Variants in STK11IP observed in about 807,000 individuals in gnomAD.
The protein encoded by STK11IP is serine/threonine kinase 11 interacting protein, also known as serine/threonine-protein kinase 11-interacting protein.
STK11IP carries 103 observed loss-of-function variants against 131.7 expected under a neutral mutation model. That is an observed-to-expected ratio of 0.78 (90% CI 0.67 to 0.92). STK11IP has a LOEUF of 0.92. Among genes scored for constraint, STK11IP ranks in the 40% least tolerant of loss-of-function variants. The probability of loss-of-function intolerance (pLI) is 0.00; values close to 1 mark genes in which losing one functional copy is unlikely to be tolerated. For synonymous variants in STK11IP, 557 were observed against 575.6 expected (o/e 0.97, Z 0.46); for missense variants, 1,315 against 1,385.7 (o/e 0.95, Z 0.81).
Position 219,609,191 on chromosome 2 carries a change from C to T in STK11IP, c.1904C>T (p.Pro635Leu), listed in dbSNP as rs543076522. The T allele has an allele frequency of 6.2e-7, 1 of 1,607,190 alleles. No homozygotes were observed. The highest frequency in any genetic ancestry group is 1.1e-5 in the South Asian group (1 of 89,550). ...RQLRRYLVLE[P>L]DAHAAVQELL... ...TTGCGTCGCTATTTGGTGCTGGAGC[C>T]TGATGCCCACGCAGCTGTCCAGGTG... Residue 635 changes from proline to leucine, a missense_variant, in exon 16 of 25, where the codon CCT becomes CTT. Physicochemically the swap from Pro to Leu is moderately conservative, Grantham distance 98 (BLOSUM62 -3). Coordinates refer to ENST00000456909, the MANE Select transcript of STK11IP (RefSeq NM_052902.4).
intron 17 of STK11IP, among the ~76,000 whole-genome samples, chr2:219,610,635 C>G (rs879761467): frequency 2.0e-5 from 3 of 152,150 alleles, no homozygotes; most frequent in Admixed American, 6.5e-5. Flanking sequence ...CTCCTGACCT[C>G]GGATCTGCCC....
chr2:219,603,527 C>A (rs1186277885), intron 7 of STK11IP, among the ~76,000 whole-genome samples: 2 of 140,474 alleles, frequency 1.4e-5, no homozygotes, highest in Non-Finnish European at 3.1e-5. Flanking sequence ...TTTTTTTTTT[C>A]TTTTTTTTTT....
chr2:219,604,133 C>A (rs1165413215), intron 7 of STK11IP, among the ~76,000 whole-genome samples: 1 of 152,176 alleles, frequency 6.6e-6, no homozygotes, highest in Non-Finnish European at 1.5e-5. Context: ...ATTCTTTTGG[C>A]AGCCTTGACT....
intron 2 of STK11IP, 74 bp from the exon 3 acceptor site, chr2:219,601,161 C>A: frequency 1.6e-6 from 2 of 1,249,164 alleles, no homozygotes; most frequent in Non-Finnish European, 2.2e-6. Context: ...TATATTTTGG[C>A]ATCATAGAGC....
At chr2:219,608,021 C>T in intron 13 of STK11IP, 26 bp from the exon 14 acceptor site, 1 of 1,597,116 alleles carries the variant, frequency 6.3e-7, no homozygotes, top group Non-Finnish European at 8.5e-7. Context: ...CAGGCTTGCT[C>T]AGTTCTGGGT....
rs527347101 is a variant in STK11IP at position 219,616,175 on chromosome 2, G to C, written c.3249G>C (p.Ala1083=). ...GACTCCGGACAGTGATCCAAGAGGC[G>C]CTGGCCCTTGACCGATGAGGGTCCC... ...SIGLRTVIQE[A]LALDR Residue 1083 remains alanine (A), a synonymous_variant, in exon 25 of 25, where the codon GCG becomes GCC. Transcript: ENST00000456909. 1.2e-6 allele frequency: 2 copies of C among 1,613,364 alleles called. No homozygotes were observed. The highest frequency in any genetic ancestry group is 1.7e-6 in the Non-Finnish European group (2 of 1,179,830).
chr2:219,597,991 T>G (rs2106140316), intron 1 of STK11IP, 68 bp downstream of exon 1: 1 of 1,597,014 alleles, frequency 6.3e-7, no homozygotes, highest in Non-Finnish European at 8.5e-7. Context: ...CTCTTTTCTT[T>G]CTCGCCTTTT....
chr2:219,614,140 C>G (rs1164622572), intron 21 of STK11IP, 21 bp from the exon 22 acceptor site: 1 of 1,612,830 alleles, frequency 6.2e-7, no homozygotes, highest in African/African-American at 1.3e-5. Context: ...TTCTAAAGTT[C>G]CCTGGCCTGC....
At chr2:219,609,744 GTT>G (rs11365689) in intron 17 of STK11IP, 55,629 of 384,932 alleles carry the variant, frequency 0.14, 934 homozygotes, top group African/African-American at 0.22. Context: ...ACTATATCCT[GTT>G]TTTTTTTTTT....
intron 9 of STK11IP, 47 bp downstream of exon 9, chr2:219,606,106 C>T (rs768874905): frequency 5.9e-6 from 9 of 1,528,694 alleles, no homozygotes; most frequent in African/African-American, 5.5e-5. Context: ...CTTGCACGTA[C>T]CCCCCCATGC....
At chr2:219,609,699 G>C in intron 17 of STK11IP, 159 bp downstream of exon 17, 1 of 794,292 alleles carries the variant, frequency 1.3e-6, no homozygotes, top group Non-Finnish European at 2.0e-6. Context: ...TCTGCCTGCT[G>C]CATTTACAAA....
In STK11IP at chr2:219,602,504, G is replaced by A. The variant is rs1168009379; in HGVS notation, c.475G>A (p.Ala159Thr). 16 of 1,614,002 alleles carry A rather than the reference G, an allele frequency of 9.9e-6. No homozygotes were observed. The highest frequency in any genetic ancestry group is 1.7e-5 in the Admixed American group (1 of 60,028). ...LSACGGDFCS[A>T]LPWLALLSAN... ...AGCCTGCGGCGGCGACTTCTGCTCTGCCCTCCCTTGGCTGGCTCTGCTTTC... is the reference window on the plus strand; with the variant it reads ...AGCCTGCGGCGGCGACTTCTGCTCTACCCTCCCTTGGCTGGCTCTGCTTTC... The change falls in exon 6 of 25, where the codon GCC becomes ACC. Residue 159 changes from alanine to threonine, a missense_variant. Coordinates refer to ENST00000456909, the MANE Select transcript of STK11IP (RefSeq NM_052902.4).
At position 219,606,758 on chromosome 2, in the gene STK11IP, G is replaced by C; in HGVS notation, c.1034G>C (p.Trp345Ser). The change falls in exon 12 of 25, where the codon TGG (tryptophan) becomes TCG (serine). Residue 345 changes from tryptophan to serine, a missense_variant. Coordinates refer to ENST00000456909, the MANE Select transcript of STK11IP (RefSeq NM_052902.4). The stretch of plus-strand genomic sequence containing the variant: ...AGCCCCATGGGCCCACCTTTGCCCT[G>C]GCCAGTGGGGAGTACTCCTGAAACC... Reference protein sequence around the residue: ...GLSPMGPPLPWPVGSTPETSG... With the variant: ...GLSPMGPPLPSPVGSTPETSG... The C allele has an allele frequency of 6.2e-7, 1 of 1,613,742 alleles. No homozygotes were observed. The highest frequency in any genetic ancestry group is 8.5e-7 in the Non-Finnish European group (1 of 1,179,804).
At chr2:219,598,493 C>G (rs1425060820) in intron 2 of STK11IP, 1 of 294,066 alleles carries the variant, frequency 3.4e-6, no homozygotes, top group Non-Finnish European at 6.3e-6. Flanking sequence ...CGGTCATAAT[C>G]ATTATTGTGT....
chr2:219,601,713 G>T lies in STK11IP; in HGVS notation c.340G>T (p.Glu114Ter). 6.3e-7 allele frequency: 1 copy of T among 1,598,880 alleles called. No homozygotes were observed. The highest frequency in any genetic ancestry group is 2.2e-5 in the East Asian group (1 of 44,460). ...IFPFKSLRHLELRGVPLHCLH... is the reference protein window; with the variant it reads ...IFPFKSLRHL ...CCCCTTCAAATCCCTTCGGCACCTG[G>T]AGGTATGGGGACACGGGGGGATGTT... The change falls in exon 4 of 25, where the codon GAG becomes TAG. Residue 114 changes from glutamate (E) to a stop codon, truncating the protein, a stop_gained and splice_region_variant. Transcript: ENST00000456909. LOFTEE classifies it high-confidence loss of function.
At chr2:219,607,162 C>T (rs760119989) in intron 13 of STK11IP, 25 bp downstream of exon 13, 3 of 1,607,178 alleles carry the variant, frequency 1.9e-6, no homozygotes, top group East Asian at 2.2e-5. Context: ...TCCCACTAAC[C>T]TCTCTCGTCC....
intron 7 of STK11IP, among the ~76,000 whole-genome samples, chr2:219,603,684 C>G (rs1385735571): frequency 1.3e-5 from 2 of 151,866 alleles, no homozygotes; most frequent in African/African-American, 2.4e-5. Context: ...CCATGCCCAG[C>G]TAATTTTTGT....
At position 219,608,434 on chromosome 2, in the gene STK11IP, A is replaced by G; in HGVS notation, c.1603+4A>G. The G allele has an allele frequency of 6.4e-7, 1 of 1,554,070 alleles. No individual in the cohort carries two copies. The highest frequency in any genetic ancestry group is 2.3e-5 in the East Asian group (1 of 42,844). ...CAGGACCAGAAGGAAGTGGAAGGTGAGCCCTTTGTGGGCTGGGGCGAGCTG... is the reference window on the plus strand; with the variant it reads ...CAGGACCAGAAGGAAGTGGAAGGTGGGCCCTTTGTGGGCTGGGGCGAGCTG... On this transcript the variant is annotated splice_donor_region_variant and intron_variant, in intron 14 of 24. Transcript: ENST00000456909.
Position 219,598,166 on chromosome 2 carries a change from T to C in STK11IP, c.47T>C (p.Leu16Ser). ...TCCCTGTTGTGGAAGCTCGCGGGGT[T>C]GCTGCGGGAGTCCGGTGAGTGGACT... ...RDSLLWKLAG[L>S]LRESGDVVLS... Residue 16 changes from leucine to serine, a missense_variant, in exon 2 of 25, where the codon TTG becomes TCG. By Grantham distance (145) the Leu-to-Ser change is moderately radical (BLOSUM62 -2). Transcript: ENST00000456909. 2 of 1,567,176 alleles carry C rather than the reference T, an allele frequency of 1.3e-6. No homozygotes were observed. Among genetic ancestry groups the C allele is most frequent in the Middle Eastern group, 1.7e-4 (1 of 5,986 alleles).
Sources: allele counts gnomAD v4.1 joint callset (sites outside exome capture counted in the v4.1 genomes callset), GRCh38; gene constraint gnomAD v4.1.1; transcripts MANE v1.5; gene names NCBI Gene and HGNC (gene_info 2026-07-23, HGNC 2026-07-21).